Variants in PGCKA1 observed in about 807,000 individuals in gnomAD.
PGCKA1 encodes the protein PDCD10 and GCKIII kinases associated 1.
chr4:37,540,222 T>C, the PGCKA1 span, among the ~76,000 whole-genome samples: 1 of 152,252 alleles, frequency 6.6e-6, no homozygotes, highest in East Asian at 1.9e-4. Flanking sequence ...CATAATTATA[T>C]ATGTTTTAAT....
chr4:37,566,608 G>C, the PGCKA1 span, among the ~76,000 whole-genome samples: 3 of 146,028 alleles, frequency 2.1e-5, no homozygotes, highest in Admixed American at 6.8e-5. Context: ...TTTTGAGACA[G>C]AGCCTTGCTC....
the PGCKA1 span, among the ~76,000 whole-genome samples, chr4:37,549,476 C>T: frequency 3.3e-5 from 5 of 152,332 alleles, no homozygotes; most frequent in East Asian, 1.9e-4. Flanking sequence ...CTGGCAGCAA[C>T]GGCCCTGTTA....
the PGCKA1 span, among the ~76,000 whole-genome samples, chr4:37,536,873 A>G: frequency 6.6e-6 from 1 of 152,216 alleles, no homozygotes; most frequent in African/African-American, 2.4e-5. Flanking sequence ...CTCATGTAGA[A>G]TGGGAAAGAT....
the PGCKA1 span, among the ~76,000 whole-genome samples, chr4:37,560,196 A>G: frequency 6.6e-6 from 1 of 152,132 alleles, no homozygotes; most frequent in African/African-American, 2.4e-5. Flanking sequence ...CCAAATTCTC[A>G]TGCTCAAGGA....
chr4:37,478,148 C>CGG, the PGCKA1 span, among the ~76,000 whole-genome samples: 5 of 110,516 alleles, frequency 4.5e-5, no homozygotes, highest in South Asian at 4.0e-4. Context: ...AAACACCCCC[C>CGG]CCCACCGCCA....
chr4:37,482,220 A>G, the PGCKA1 span, among the ~76,000 whole-genome samples: 1 of 152,260 alleles, frequency 6.6e-6, no homozygotes, highest in Non-Finnish European at 1.5e-5. Flanking sequence ...TAACAGGCAG[A>G]CGTTGGAACA....
the PGCKA1 span, among the ~76,000 whole-genome samples, chr4:37,570,776 C>A: frequency 1.3e-5 from 2 of 152,248 alleles, no homozygotes; most frequent in Non-Finnish European, 2.9e-5. Flanking sequence ...AACCACCTCC[C>A]AGCAGCCACT....
chr4:37,508,693 G>GTTTTTTTTTTTTTTTTTTTTTTTTTTTT, the PGCKA1 span, among the ~76,000 whole-genome samples: 49 of 53,308 alleles, frequency 9.2e-4, no homozygotes, highest in Non-Finnish European at 1.2e-3. Flanking sequence ...CTTTTTTTTA[G>GTTTTTTTTTTTTTTTTTTTTTTTTTTTT]TATTTATTGA....
chr4:37,521,064 T>C, the PGCKA1 span, among the ~76,000 whole-genome samples: 2 of 152,328 alleles, frequency 1.3e-5, no homozygotes, highest in East Asian at 1.9e-4. Context: ...TTCATTTTTT[T>C]CTCCTCTGAT....
At chr4:37,536,257 C>T in the PGCKA1 span, among the ~76,000 whole-genome samples, 2 of 152,176 alleles carry the variant, frequency 1.3e-5, no homozygotes, top group Non-Finnish European at 2.9e-5. Flanking sequence ...GACTTTGACC[C>T]AGAAGGTAGA....
chr4:37,502,036 T>C, the PGCKA1 span, among the ~76,000 whole-genome samples: 58,197 of 151,958 alleles, frequency 0.38, 11,501 homozygotes, highest in African/African-American at 0.46. Context: ...CCCTAAGGGA[T>C]TCGTATCAGA....
At chr4:37,457,967 T>C in the PGCKA1 span, among the ~76,000 whole-genome samples, 30 of 152,372 alleles carry the variant, frequency 2.0e-4, no homozygotes, top group African/African-American at 7.0e-4. Flanking sequence ...GAAGGTGGTC[T>C]GTGATTAAAC....
At chr4:37,533,929 T>G in the PGCKA1 span, among the ~76,000 whole-genome samples, 1 of 152,224 alleles carries the variant, frequency 6.6e-6, no homozygotes, top group Non-Finnish European at 1.5e-5. Context: ...ATTCAAAATA[T>G]GCCAGGTTCT....
At chr4:37,471,597 A>G in the PGCKA1 span, among the ~76,000 whole-genome samples, 1 of 152,212 alleles carries the variant, frequency 6.6e-6, no homozygotes, top group African/African-American at 2.4e-5. Context: ...AAAGAGGAAC[A>G]TTAAATAATC....
the PGCKA1 span, chr4:37,588,643 C>T: frequency 2.5e-5 from 13 of 523,440 alleles, no homozygotes; most frequent in South Asian, 8.0e-5. Context: ...TGTCAGTGAA[C>T]GTTTGAGAAC....
the PGCKA1 span, among the ~76,000 whole-genome samples, chr4:37,453,716 G>A: frequency 1.2e-4 from 19 of 152,276 alleles, no homozygotes; most frequent in South Asian, 4.1e-4. Context: ...AGGCCAACAA[G>A]CGCGTGGATT....
At chr4:37,469,901 C>T in the PGCKA1 span, among the ~76,000 whole-genome samples, 6 of 152,144 alleles carry the variant, frequency 3.9e-5, no homozygotes, top group Non-Finnish European at 8.8e-5. Flanking sequence ...TCTGCTTTGC[C>T]ACAAGAACGC....
At chr4:37,571,723 G>C in the PGCKA1 span, among the ~76,000 whole-genome samples, 4 of 151,782 alleles carry the variant, frequency 2.6e-5, no homozygotes, top group East Asian at 1.9e-4. Context: ...ATTTTTAGTA[G>C]AGACGGGGTT....
the PGCKA1 span, among the ~76,000 whole-genome samples, chr4:37,509,365 T>C: frequency 7.2e-6 from 1 of 138,420 alleles, no homozygotes. Flanking sequence ...CCACATGGGG[T>C]CACGGCAGGG....
Sources: gnomAD v4.1 joint callset for allele counts (sites outside exome capture counted in the v4.1 genomes callset) on GRCh38, gnomAD v4.1.1 for gene constraint, MANE v1.5 for transcripts, NCBI Gene and HGNC (gene_info 2026-07-23, HGNC 2026-07-21) for gene names.